The following SHROOM2 variants were observed in gnomAD, a reference collection of about 807,000 sequenced individuals.
SHROOM2 encodes the protein shroom family member 2.
In SHROOM2, 33 loss-of-function variants were observed where a neutral mutation model predicts 75.9. The ratio of observed to expected loss-of-function variants is 0.43; its 90% CI spans 0.33 to 0.58. The LOEUF is 0.58. Among genes scored for constraint, SHROOM2 ranks in the 20% least tolerant of loss-of-function variants. The probability of loss-of-function intolerance (pLI) is 0.04; values close to 1 mark genes in which losing one functional copy is unlikely to be tolerated. For synonymous variants in SHROOM2, 655 were observed against 663.6 expected (o/e 0.99, Z 0.20); for missense variants, 1,434 against 1,461.2 (o/e 0.98, Z 0.30).
intron 1 of SHROOM2, among the ~76,000 whole-genome samples, chrX:9,829,505 T>C (rs1231416063): frequency 8.9e-6 from 1 of 112,088 alleles, no homozygotes; most frequent in Admixed American, 9.5e-5. Flanking sequence ...GTTCCAATGA[T>C]GCCCAATCAT....
rs1199252993 is a variant in SHROOM2 at position 9,949,099 on chromosome X, C to T, written c.*2162C>T. ...TATCCTTGTAGCAAAGCACATAGAG[C>T]CAGCTGTCCTGTCAGTTCCCCTGTT... On this transcript the variant is annotated 3_prime_UTR_variant, in exon 10 of 10. Transcript: ENST00000380913. 4.5e-6 allele frequency: 1 copy of T among 222,147 alleles called. No individual in the cohort carries two copies. The highest frequency in any genetic ancestry group is 8.5e-6 in the Non-Finnish European group (1 of 117,214). The allele number at this position is 222,147 out of a possible 1,213,427, so 18.3% of individuals were successfully genotyped here. A position where few individuals can be genotyped will look rare whatever the true frequency, so the allele number is the denominator to read the frequency against.
At position 9,873,540 on chromosome X, in the gene SHROOM2, C is replaced by T; in HGVS notation, c.166-112C>T. 5.5e-6 allele frequency: 5 copies of T among 908,066 alleles called. No homozygotes were observed. The Admixed American group carries it at 7.2e-5, about 13-fold the overall frequency. The allele number at this position is 908,066 out of a possible 1,213,427, so 74.8% of individuals were successfully genotyped here. A position where few individuals can be genotyped will look rare whatever the true frequency, so the allele number is the denominator to read the frequency against. ...CCCTGAGTGGTAATAAGGTCAGCCC[C>T]CAGGGCCCATTCCCGCCAAGTGTGA... On this transcript the variant is annotated intron_variant, in intron 1 of 9. Coordinates refer to ENST00000380913, the MANE Select transcript of SHROOM2 (RefSeq NM_001649.4).
chrX:9,931,881 A>G (rs1239788731), intron 5 of SHROOM2, among the ~76,000 whole-genome samples: 1 of 110,767 alleles, frequency 9.0e-6, no homozygotes, highest in African/African-American at 3.3e-5. Flanking sequence ...TATTCCTGCA[A>G]AAACAAATGC....
Position 9,850,515 on chromosome X carries a change from C to T in SHROOM2, c.166-23137C>T, listed in dbSNP as rs1286612178. 1.6e-4 allele frequency among the ~76,000 whole-genome samples: 18 copies of T among 111,335 alleles called. No homozygotes were observed. The Admixed American group carries it at 1.7e-3, about 11-fold the overall frequency. On this transcript the variant is annotated intron_variant, in intron 1 of 9. Coordinates refer to ENST00000380913, the MANE Select transcript of SHROOM2 (RefSeq NM_001649.4). ...GTTGTTTGGCTTCCTGGCTCATATG[C>T]CCCTTCTCTGTGGCACCCCATGTCC...
chrX:9,889,364 A>ACAT (rs1569159053), intron 2 of SHROOM2, among the ~76,000 whole-genome samples: 1 of 112,121 alleles, frequency 8.9e-6, no homozygotes, highest in Non-Finnish European at 1.9e-5. Context: ...GCTGGGAAAA[A>ACAT]CATCTGATCT....
chrX:9,808,368 A>G (rs1201771417), intron 1 of SHROOM2, among the ~76,000 whole-genome samples: 6 of 90,513 alleles, frequency 6.6e-5, no homozygotes, highest in Non-Finnish European at 1.1e-4. Context: ...ATATAGTGAG[A>G]CTCTGTCTCT....
chrX:9,848,510 C>CACAAAAAAAAA (rs1555927073), intron 1 of SHROOM2, among the ~76,000 whole-genome samples: 12 of 22,019 alleles, frequency 5.4e-4, no homozygotes, highest in Admixed American at 1.5e-3. Flanking sequence ...GACTCCGTCT[C>CACAAAAAAAAA]AAAAAAAAAA....
At position 9,808,839 on chromosome X, in the gene SHROOM2, G is replaced by T. The variant is rs763147660; in HGVS notation, c.165+22129G>T. Among the ~76,000 whole-genome samples the T allele has an allele frequency of 1.0e-4, 11 of 110,481 alleles. No homozygotes were observed. The South Asian group carries it at 4.3e-3, about 43-fold the overall frequency. The stretch of plus-strand genomic sequence containing the variant: ...TTCGCGCCATTGCACTCCAGCCTGG[G>T]GGACAAGAGTGAACTTCGTCTCAAA... On this transcript the variant is annotated intron_variant, in intron 1 of 9. Coordinates refer to ENST00000380913, the MANE Select transcript of SHROOM2 (RefSeq NM_001649.4).
intron 4 of SHROOM2, among the ~76,000 whole-genome samples, chrX:9,897,561 A>G (rs2084339563): frequency 8.6e-5 from 1 of 11,662 alleles, no homozygotes; most frequent in African/African-American, 2.2e-4. Flanking sequence ...TCTACAAAAA[A>G]AAAAAAAAGA....
intron 1 of SHROOM2, among the ~76,000 whole-genome samples, chrX:9,797,798 G>A (rs748730803): frequency 4.1e-4 from 46 of 111,892 alleles, no homozygotes; most frequent in African/African-American, 1.3e-3. Context: ...GGGGCTGGCC[G>A]GAGGCACAGT....
intron 1 of SHROOM2, among the ~76,000 whole-genome samples, chrX:9,862,935 G>A (rs188249683): frequency 0.051 from 5,649 of 111,736 alleles, 341 homozygotes; most frequent in African/African-American, 0.17. Context: ...CATCTCTTAG[G>A]TGGATCTCGG....
intron 1 of SHROOM2, among the ~76,000 whole-genome samples, chrX:9,860,744 T>A (rs777131521): frequency 8.9e-6 from 1 of 111,878 alleles, no homozygotes; most frequent in Non-Finnish European, 1.9e-5. Context: ...ATTTTGGTAT[T>A]CACCCCGTAT....
chrX:9,791,138 GAAA>G (rs373940406), intron 1 of SHROOM2, among the ~76,000 whole-genome samples: 32 of 100,239 alleles, frequency 3.2e-4, no homozygotes, highest in Admixed American at 9.8e-4. Flanking sequence ...TTTATCTTTT[GAAA>G]AAAAAAAAGA....
chrX:9,822,289 G>A (rs1713874181), intron 1 of SHROOM2, among the ~76,000 whole-genome samples: 1 of 111,397 alleles, frequency 9.0e-6, no homozygotes, highest in African/African-American at 3.3e-5. Context: ...GTGGCAGCCT[G>A]CAGGTTAGGG....
intron 6 of SHROOM2, 78 bp from the exon 7 acceptor site, chrX:9,937,056 G>T (rs1039299085): frequency 3.0e-6 from 3 of 1,002,337 alleles, no homozygotes; most frequent in Admixed American, 6.1e-5. Context: ...CCATCCAGAG[G>T]GGAGGGCAGG....
At position 9,833,648 on chromosome X, in the gene SHROOM2, A is replaced by ATGTGTG. The variant is rs1569144908; in HGVS notation, c.166-40002_166-40001insTGTGTG. ...TGTGTGTGTGTGTGTGTGTGTGTGCATGCACGTGCACACATGATAACAGAA... is the reference window on the plus strand; with the variant it reads ...TGTGTGTGTGTGTGTGTGTGTGTGCATGTGTGTGCACGTGCACACATGATAACAGAA... On this transcript the variant is annotated intron_variant, in intron 1 of 9. Coordinates refer to ENST00000380913, the MANE Select transcript of SHROOM2 (RefSeq NM_001649.4). 4.3e-3 allele frequency among the ~76,000 whole-genome samples: 332 copies of ATGTGTG among 77,064 alleles called. 4 individuals are homozygous for ATGTGTG. Among genetic ancestry groups the ATGTGTG allele is most frequent in the African/African-American group, 0.024 (320 of 13,173 alleles). The allele number at this position is 77,064 out of a possible 115,157, so 66.9% of individuals were successfully genotyped here.
chrX:9,921,818 C>T (rs1016296043), intron 5 of SHROOM2, among the ~76,000 whole-genome samples: 2 of 111,982 alleles, frequency 1.8e-5, no homozygotes, highest in South Asian at 3.7e-4. Context: ...TCTATATGCA[C>T]GCATCACATT....
At chrX:9,850,696 C>G (rs2084033894) in intron 1 of SHROOM2, among the ~76,000 whole-genome samples, 2 of 110,778 alleles carry the variant, frequency 1.8e-5, no homozygotes, top group Non-Finnish European at 3.8e-5. Context: ...AAAAATTAGC[C>G]AGGTGCGGTG....
Position 9,827,223 on chromosome X carries a change from C to CTTTTTTTTTTTTTTT in SHROOM2, c.165+40516_165+40530dup, listed in dbSNP as rs397953893. 2.7e-3 allele frequency among the ~76,000 whole-genome samples: 161 copies of CTTTTTTTTTTTTTTT among 60,087 alleles called. 3 individuals are homozygous for CTTTTTTTTTTTTTTT. Among genetic ancestry groups the CTTTTTTTTTTTTTTT allele is most frequent in the African/African-American group, 8.6e-3 (114 of 13,307 alleles). 52.2% of individuals were successfully genotyped at this position (60,087 alleles called of 115,157 possible). On this transcript the variant is annotated intron_variant, in intron 1 of 9. Coordinates refer to ENST00000380913, the MANE Select transcript of SHROOM2 (RefSeq NM_001649.4). ...TGTTAGCCTTGACATTTTTCTTTTT[C>CTTTTTTTTTTTTTTT]TTTTTTTTTTTTTTTTTGAGACAGG... is the stretch of plus-strand genomic sequence containing the variant.
Sources: allele counts gnomAD v4.1 joint callset (sites outside exome capture counted in the v4.1 genomes callset), GRCh38; gene constraint gnomAD v4.1.1; transcripts MANE v1.5; gene names NCBI Gene and HGNC (gene_info 2026-07-23, HGNC 2026-07-21).